The following RIPOR2 variants were observed in gnomAD, a reference collection of about 807,000 sequenced individuals.
The protein encoded by RIPOR2 is RHO family interacting cell polarization regulator 2.
A neutral mutation model predicts 114.5 loss-of-function variants in RIPOR2; 39 were observed. The observed-to-expected ratio is 0.34, with a 90% confidence interval of 0.26 to 0.44. The LOEUF (loss-of-function observed/expected upper bound fraction) is 0.44, where lower values mean the gene tolerates loss of function less well. Among genes scored for constraint, RIPOR2 ranks in the 20% least tolerant of loss-of-function variants. RIPOR2 has a pLI of 1.00. For synonymous variants in RIPOR2, 445 were observed against 484.4 expected, an observed-to-expected ratio of 0.92 and a Z score of 1.07; for missense variants, 1,007 against 1,255.1, an observed-to-expected ratio of 0.80 and a Z score of 2.99.
At chr6:24,900,049 A>G (rs749102334) in intron 1 of RIPOR2, among the ~76,000 whole-genome samples, 10 of 152,344 alleles carry the variant, frequency 6.6e-5, no homozygotes, top group Middle Eastern at 6.8e-3. Context: ...CTTGGTATCA[A>G]CTGAGAACCT....
At chr6:24,901,286 G>T (rs1653270806) in intron 1 of RIPOR2, among the ~76,000 whole-genome samples, 1 of 152,150 alleles carries the variant, frequency 6.6e-6, no homozygotes, top group Admixed American at 6.5e-5. Context: ...AACATCTTGA[G>T]TTAATGCAGC....
chr6:24,988,478 T>G (rs1290737856), intron 1 of RIPOR2, among the ~76,000 whole-genome samples: 1 of 152,244 alleles, frequency 6.6e-6, no homozygotes, highest in Non-Finnish European at 1.5e-5. Flanking sequence ...CCAGCTATTG[T>G]GAATAGCTTC....
chr6:24,892,821 G>A (rs2113976903), intron 1 of RIPOR2, among the ~76,000 whole-genome samples: 1 of 152,250 alleles, frequency 6.6e-6, no homozygotes, highest in East Asian at 1.9e-4. Context: ...ATTCTGTTTG[G>A]ACTATAATGG....
intron 1 of RIPOR2, among the ~76,000 whole-genome samples, chr6:24,985,307 C>G (rs993496776): frequency 2.0e-5 from 3 of 151,998 alleles, no homozygotes; most frequent in African/African-American, 7.3e-5. Context: ...CCAGGGACAA[C>G]AGTTGAGGTA....
intron 1 of RIPOR2, among the ~76,000 whole-genome samples, chr6:25,003,860 T>G (rs529640013): frequency 5.3e-5 from 8 of 152,346 alleles, no homozygotes; most frequent in African/African-American, 1.9e-4. Context: ...CTTGTTCAAA[T>G]AGTATTTTTG....
chr6:24,850,466 TTTGTAATAGAC>T lies in RIPOR2; in HGVS notation c.885+120_885+130del, dbSNP rs555213909. On this transcript the variant is annotated intron_variant, in intron 10 of 21. Transcript: ENST00000643898. ...TTACTCTGATGAGAGGGCAGCTGTC[TTTGTAATAGAC>T]TTGTGCAGAAAAGTCTGTGGGATGG... The T allele has an allele frequency of 1.4e-4, 133 of 931,750 alleles. No homozygotes were observed. In the Admixed American group the frequency reaches 2.9e-3, roughly 20 times the overall value. The allele number at this position is 931,750 out of a possible 1,614,324, so 57.7% of individuals were successfully genotyped here. A position where few individuals can be genotyped will look rare whatever the true frequency, so the allele number is the denominator to read the frequency against.
intron 1 of RIPOR2, among the ~76,000 whole-genome samples, chr6:24,961,162 T>C (rs403118): frequency 0.9 from 137,214 of 152,148 alleles, 62,816 homozygotes; most frequent in East Asian, 0.99. Flanking sequence ...AGACAAGTTA[T>C]GATACAAGAC....
chr6:24,860,927 T>C, intron 8 of RIPOR2, 46 bp downstream of exon 8: 2 of 1,257,078 alleles, frequency 1.6e-6, no homozygotes, highest in Non-Finnish European at 2.3e-6. Flanking sequence ...AGCTCTGCAC[T>C]CTGCAGAGAT....
chr6:24,983,419 A>G (rs1316414748), intron 1 of RIPOR2, among the ~76,000 whole-genome samples: 1 of 152,160 alleles, frequency 6.6e-6, no homozygotes, highest in Non-Finnish European at 1.5e-5. Flanking sequence ...TGGCAAAGAC[A>G]GCTAGTTGTC....
At chr6:25,019,712 T>C (rs1196132991) in intron 1 of RIPOR2, among the ~76,000 whole-genome samples, 4 of 136,944 alleles carry the variant, frequency 2.9e-5, no homozygotes, top group African/African-American at 1.1e-4. Flanking sequence ...GAGGCGGAGG[T>C]TGTAGTGAGC....
chr6:24,990,162 G>C (rs1271249278), intron 1 of RIPOR2, among the ~76,000 whole-genome samples: 2 of 152,136 alleles, frequency 1.3e-5, no homozygotes, highest in Non-Finnish European at 2.9e-5. Flanking sequence ...TCAAATGAAA[G>C]AGTTGGCTTA....
chr6:24,923,182 C>T (rs533845400), intron 1 of RIPOR2, among the ~76,000 whole-genome samples: 4 of 152,270 alleles, frequency 2.6e-5, no homozygotes, highest in African/African-American at 9.6e-5. Flanking sequence ...CCTCAAGGTC[C>T]ATGCATGTGG....
chr6:24,879,415 A>G (rs749305214), intron 1 of RIPOR2, among the ~76,000 whole-genome samples: 2 of 152,224 alleles, frequency 1.3e-5, no homozygotes, highest in Non-Finnish European at 2.9e-5. Context: ...ATGTGACTAG[A>G]GTGAGCAGTT....
At chr6:24,957,440 G>T (rs1773087481) in intron 1 of RIPOR2, among the ~76,000 whole-genome samples, 3 of 152,178 alleles carry the variant, frequency 2.0e-5, no homozygotes, top group Admixed American at 2.0e-4. Context: ...AAGTTAACTG[G>T]CAATTCCAAT....
rs1028388403 is a variant in RIPOR2, at chr6:24,858,906, G to A, written c.715+2067C>T. On this transcript the variant is annotated intron_variant, in intron 8 of 21. Coordinates refer to ENST00000643898, the MANE Select transcript of RIPOR2 (RefSeq NM_001286445.3). This position sits in a 1 kb window ranked among gnomAD's most constrained non-coding sequence, Gnocchi z 4.0. ...AAGCCTGAAGCTCCAGATCTGGTCC[G>A]AGGGTGGTCCCTTTCCTCCCCATCC... Among the ~76,000 whole-genome samples, 8 of 152,174 alleles carry A rather than the reference G, an allele frequency of 5.3e-5. No individual in the cohort carries two copies. Among genetic ancestry groups the A allele is most frequent in the South Asian group, 4.1e-4 (2 of 4,824 alleles).
At position 25,037,799 on chromosome 6, in the gene RIPOR2, A is replaced by G. The variant is rs1391677732; in HGVS notation, c.76+4052T>C. 6.6e-6 allele frequency among the ~76,000 whole-genome samples: 1 copy of G among 152,180 alleles called. No homozygotes were observed. Among genetic ancestry groups the G allele is most frequent in the Non-Finnish European group, 1.5e-5 (1 of 68,026 alleles). Reference sequence around the variant, plus strand: ...ATGAGTTTAATTTTGATGGAACCCAAACGGTTATTGAGTAGATGAGGTACC... The same window carrying G: ...ATGAGTTTAATTTTGATGGAACCCAGACGGTTATTGAGTAGATGAGGTACC... On this transcript the variant is annotated intron_variant, in intron 1 of 13. Coordinates refer to the RIPOR2 transcript ENST00000510784. This position sits in a 1 kb window ranked among gnomAD's most constrained non-coding sequence, Gnocchi z 4.5.
chr6:24,827,606 T>C (rs1760300797), intron 18 of RIPOR2, among the ~76,000 whole-genome samples: 1 of 152,240 alleles, frequency 6.6e-6, no homozygotes, highest in Non-Finnish European at 1.5e-5. Context: ...ATTTCCAGTC[T>C]CTGAAGGGCC....
chr6:25,039,052 G>T (rs539910329), intron 1 of RIPOR2, among the ~76,000 whole-genome samples: 1 of 152,254 alleles, frequency 6.6e-6, no homozygotes, highest in South Asian at 2.1e-4. Flanking sequence ...AAAGAAAAGG[G>T]GTTTACTAAT....
chr6:24,839,014 C>A (rs563028755), intron 14 of RIPOR2, 77 bp downstream of exon 14: 2 of 1,196,616 alleles, frequency 1.7e-6, no homozygotes, highest in South Asian at 1.5e-5. Context: ...TGTACCAGGT[C>A]CCCTCTGACA....
Sources: allele counts gnomAD v4.1 joint callset (sites outside exome capture counted in the v4.1 genomes callset), GRCh38; gene constraint gnomAD v4.1.1; non-coding constraint Gnocchi (gnomAD v3.1); transcripts MANE v1.5; gene names NCBI Gene and HGNC (gene_info 2026-07-23, HGNC 2026-07-21).